The following IYD variants were observed in gnomAD, a reference collection of about 807,000 sequenced individuals.
The protein encoded by IYD is iodotyrosine deiodinase.
In IYD, 25 loss-of-function variants were observed where a neutral mutation model predicts 28.4. The ratio of observed to expected loss-of-function variants is 0.88; its 90% confidence interval spans 0.64 to 1.23. The LOEUF (loss-of-function observed/expected upper bound fraction) is 1.23, where lower values mean the gene tolerates loss of function less well. Ranked by LOEUF, IYD falls within the 50% of genes most tolerant of loss-of-function variation. IYD has a pLI of 0.00. For synonymous variants in IYD, 140 were observed against 130.8 expected (o/e 1.07, Z -0.48); for missense variants, 352 against 357.9 (o/e 0.98, Z 0.13).
chr6:150,400,682 T>G lies in IYD; in HGVS notation c.*2445T>G, dbSNP rs994095720. 1 of 152,216 alleles carries G rather than the reference T, an allele frequency of 6.6e-6. No homozygotes were observed. The highest frequency in any genetic ancestry group is 2.4e-5 in the African/African-American group (1 of 41,460). 9.4% of individuals were successfully genotyped at this position (152,216 alleles called of 1,614,324 possible). On this transcript the variant is annotated 3_prime_UTR_variant, in exon 5 of 5. Transcript: ENST00000344419. ...GTCCTTGCTACTCAAAGAGTGGTCC[T>G]GGGCCTGTATCATCATTGGGACCAC...
intron 1 of IYD, among the ~76,000 whole-genome samples, chr6:150,380,580 T>C (rs1777610716): frequency 6.6e-6 from 1 of 152,170 alleles, no homozygotes; most frequent in Admixed American, 6.5e-5. Flanking sequence ...TCCTCAATCC[T>C]ACATGCTTTG....
chr6:150,389,762 T>C, intron 2 of IYD: 2 of 535,212 alleles, frequency 3.7e-6, no homozygotes, highest in South Asian at 4.1e-5. Context: ...GATGTGACAA[T>C]AGTTCAAAAC....
In IYD at chr6:150,399,267, A is replaced by T. The variant is rs1582807933; in HGVS notation, c.*1030A>T. On this transcript the variant is annotated 3_prime_UTR_variant, in exon 5 of 5. Transcript: ENST00000344419. ...GAAATTGCCCATGGTGGGAGAGTTT[A>T]CATCACAACCACTACAAATCAGCAC... The T allele has an allele frequency of 6.6e-6, 1 of 152,252 alleles. No individual in the cohort carries two copies. Among genetic ancestry groups the T allele is most frequent in the Admixed American group, 6.5e-5 (1 of 15,282 alleles). The allele number at this position is 152,252 out of a possible 1,614,324, so 9.4% of individuals were successfully genotyped here.
intron 4 of IYD, among the ~76,000 whole-genome samples, chr6:150,397,321 C>A (rs1400008300): frequency 6.6e-6 from 1 of 152,048 alleles, no homozygotes; most frequent in Non-Finnish European, 1.5e-5. Context: ...GTAATCCCAG[C>A]ACTTTGGGAG....
At chr6:150,381,639 A>G (rs1777651757) in intron 1 of IYD, among the ~76,000 whole-genome samples, 1 of 152,202 alleles carries the variant, frequency 6.6e-6, no homozygotes, top group Non-Finnish European at 1.5e-5. Flanking sequence ...TTCCAACAGA[A>G]GTAACTTCTA....
At chr6:150,382,106 C>T (rs1416491842) in intron 1 of IYD, among the ~76,000 whole-genome samples, 2 of 152,126 alleles carry the variant, frequency 1.3e-5, no homozygotes, top group Non-Finnish European at 2.9e-5. Flanking sequence ...GCAGGAATGG[C>T]CTCTGCTGTA....
intron 4 of IYD, chr6:150,395,365 C>G (rs1238688043): frequency 1.1e-5 from 16 of 1,515,118 alleles, no homozygotes; most frequent in Non-Finnish European, 1.2e-5. Context: ...TAACACCTCC[C>G]AAAATGTAGT....
At chr6:150,395,727 G>A (rs56303813) in intron 4 of IYD, 4 of 713,900 alleles carry the variant, frequency 5.6e-6, no homozygotes, top group African/African-American at 3.5e-5. Flanking sequence ...TCTGATAAGC[G>A]CGCCATGCAT....
chr6:150,395,831 G>A lies in IYD; in HGVS notation c.687+1576G>A, dbSNP rs1422290625. 6.6e-6 allele frequency: 4 copies of A among 603,264 alleles called. No homozygotes were observed. In the Admixed American group the frequency reaches 1.1e-4, roughly 17 times the overall value. The allele number at this position is 603,264 out of a possible 1,614,324, so 37.4% of individuals were successfully genotyped here. A position where few individuals can be genotyped will look rare whatever the true frequency, so the allele number is the denominator to read the frequency against. Reference sequence around the variant, plus strand: ...GAGAGGGGCAGGCGGGGAAGTGTCTGGAAGCTACTCATTGCTTTTACTTAG... The same window carrying A: ...GAGAGGGGCAGGCGGGGAAGTGTCTAGAAGCTACTCATTGCTTTTACTTAG... On this transcript the variant is annotated intron_variant, in intron 4 of 4. Coordinates refer to ENST00000344419, the MANE Select transcript of IYD (RefSeq NM_203395.3).
chr6:150,386,656 A>T (rs562060099), intron 1 of IYD, among the ~76,000 whole-genome samples: 1 of 152,026 alleles, frequency 6.6e-6, no homozygotes, highest in Non-Finnish European at 1.5e-5. Flanking sequence ...GGATTTTTAC[A>T]TTTCTTCTTA....
intron 1 of IYD, among the ~76,000 whole-genome samples, chr6:150,374,577 C>T (rs982488205): frequency 6.6e-6 from 1 of 152,138 alleles, no homozygotes; most frequent in African/African-American, 2.4e-5. Context: ...GGGGCTTCCC[C>T]TTATAAAACC....
chr6:150,369,925 G>A (rs1193531721), intron 1 of IYD: 1 of 700,822 alleles, frequency 1.4e-6, no homozygotes, highest in Non-Finnish European at 2.6e-6. Flanking sequence ...AGAATTGAGG[G>A]TGGAGGGAGA....
At chr6:150,388,525 A>G (rs1456872072) in intron 1 of IYD, among the ~76,000 whole-genome samples, 1 of 152,096 alleles carries the variant, frequency 6.6e-6, no homozygotes, top group Non-Finnish European at 1.5e-5. Flanking sequence ...TTCAACTGAC[A>G]GGAGATTGTT....
chr6:150,371,448 C>T (rs1362266961), intron 1 of IYD, among the ~76,000 whole-genome samples: 1 of 152,054 alleles, frequency 6.6e-6, no homozygotes, highest in African/African-American at 2.4e-5. Flanking sequence ...CTCTGAGAGA[C>T]CAGAAAGAGT....
chr6:150,391,257 T>G (rs1778109835), intron 2 of IYD, among the ~76,000 whole-genome samples: 2 of 149,830 alleles, frequency 1.3e-5, no homozygotes, highest in African/African-American at 2.5e-5. Context: ...AAAAAAGAAT[T>G]CCCCAACTGT....
At chr6:150,369,380 GTGA>G (rs140885704) in intron 1 of IYD, among the ~76,000 whole-genome samples, 171 bp downstream of exon 1, 7,213 of 152,220 alleles carry the variant, frequency 0.047, 246 homozygotes, top group Non-Finnish European at 0.07. Context: ...TCTCTCTCCA[GTGA>G]TGAGCTTGTC....
At position 150,372,309 on chromosome 6, in the gene IYD, A is replaced by ATG. The variant is rs553279028; in HGVS notation, c.178+3109_178+3110dup. Among the ~76,000 whole-genome samples, 448 of 103,910 alleles carry ATG rather than the reference A, an allele frequency of 4.3e-3. 3 individuals carry two copies. The highest frequency in any genetic ancestry group is 0.016 in the Middle Eastern group (2 of 128). 68.2% of individuals were successfully genotyped at this position (103,910 alleles called of 152,430 possible). A position where few individuals can be genotyped will look rare whatever the true frequency, so the allele number is the denominator to read the frequency against. On this transcript the variant is annotated intron_variant, in intron 1 of 4. Coordinates refer to ENST00000344419, the MANE Select transcript of IYD (RefSeq NM_203395.3). ...CATTGTGTGACCATGCTTATTAGAC[A>ATG]TGTGTGTGTGGGTGGGGTGGGGGGT...
Position 150,401,371 on chromosome 6 carries a change from G to A in IYD, c.*3134G>A, listed in dbSNP as rs1290928467. On this transcript the variant is annotated 3_prime_UTR_variant, in exon 5 of 5. Coordinates refer to ENST00000344419, the MANE Select transcript of IYD (RefSeq NM_203395.3). ...AGGCCAGAGGCTCACATTGCTTGCA[G>A]GGAACCGACTGAGTAATGAAGAAGA... 6.6e-6 allele frequency: 1 copy of A among 152,150 alleles called. No individual in the cohort carries two copies. The highest frequency in any genetic ancestry group is 1.5e-5 in the Non-Finnish European group (1 of 68,046). The allele number at this position is 152,150 out of a possible 1,614,324, so 9.4% of individuals were successfully genotyped here.
chr6:150,385,460 T>A (rs1227844057), intron 1 of IYD, among the ~76,000 whole-genome samples: 1 of 151,108 alleles, frequency 6.6e-6, no homozygotes, highest in African/African-American at 2.4e-5. Flanking sequence ...TAATGATTTT[T>A]GTGGTTTACG....
Sources: allele counts gnomAD v4.1 joint callset (sites outside exome capture counted in the v4.1 genomes callset), GRCh38; gene constraint gnomAD v4.1.1; transcripts MANE v1.5; gene names NCBI Gene and HGNC (gene_info 2026-07-23, HGNC 2026-07-21).